Variants in RNF213 observed in about 807,000 individuals in gnomAD.
RNF213 encodes the protein E3 ubiquitin-protein ligase RNF213.
RNF213 carries 341 observed loss-of-function variants against 514.4 expected under a neutral mutation model. The ratio of observed to expected loss-of-function variants is 0.66; its 90% CI spans 0.61 to 0.73. RNF213 has a LOEUF of 0.73. Ranked by LOEUF, RNF213 falls within the 30% of genes least tolerant of loss-of-function variation. RNF213 has a pLI of 0.00. For missense variants in RNF213, 5,767 were observed against 6,615.6 expected, an observed-to-expected ratio of 0.87 and a Z score of 4.45; for synonymous variants, 2,655 against 2,658.2, an observed-to-expected ratio of 1.00 and a Z score of 0.04.
At chr17:80,308,479 TCCTCCTAAGTCC>T (rs1235575275) in intron 13 of RNF213, among the ~76,000 whole-genome samples, 2 of 143,952 alleles carry the variant, frequency 1.4e-5, no homozygotes, top group Non-Finnish European at 3.0e-5. Flanking sequence ...CTCCTAAGCC[TCCTCCTAAGTCC>T]CCTCCTGAGT....
chr17:80,339,180 C>T (rs746549519), intron 25 of RNF213, 21 bp from the exon 26 acceptor site: 128 of 1,459,202 alleles, frequency 8.8e-5, no homozygotes, highest in Non-Finnish European at 1.1e-4. Context: ...GTGAGCCAAC[C>T]TCATGGTTCT....
chr17:80,286,228 C>A (rs1276482675), intron 3 of RNF213, among the ~76,000 whole-genome samples: 2 of 145,188 alleles, frequency 1.4e-5, no homozygotes, highest in Non-Finnish European at 3.0e-5. Flanking sequence ...GGACGCAGGC[C>A]GAGCGGGAGG....
intron 17 of RNF213, chr17:80,321,464 CATT>C (rs1283711718): frequency 2.6e-5 from 4 of 152,170 alleles, no homozygotes; most frequent in Non-Finnish European, 5.9e-5. Flanking sequence ...CTGATACAAA[CATT>C]AGTGTACATA....
chr17:80,341,449 C>T (rs1337234109), intron 26 of RNF213: 7 of 152,250 alleles, frequency 4.6e-5, no homozygotes, highest in Admixed American at 2.6e-4. Flanking sequence ...ATAAACATTA[C>T]TCTTCCCCTC....
chr17:80,313,722 G>A (rs59237306), intron 15 of RNF213, among the ~76,000 whole-genome samples: 3 of 149,206 alleles, frequency 2.0e-5, no homozygotes, highest in Non-Finnish European at 3.0e-5. Flanking sequence ...GGAGGTGGTG[G>A]TGGTGGAGGT....
At chr17:80,266,917 A>G (rs2043628772) in intron 2 of RNF213, among the ~76,000 whole-genome samples, 1 of 152,220 alleles carries the variant, frequency 6.6e-6, no homozygotes, top group Admixed American at 6.5e-5. Flanking sequence ...ATGGTTAGCC[A>G]AGTTGTAAAT....
At chr17:80,323,775 T>C (rs980258498) in intron 17 of RNF213, among the ~76,000 whole-genome samples, 7 of 151,516 alleles carry the variant, frequency 4.6e-5, no homozygotes, top group Non-Finnish European at 1.0e-4. Flanking sequence ...AACAATGTTT[T>C]GTATTTTTCA....
In RNF213 at chr17:80,332,534, T is replaced by A; in HGVS notation, c.4046T>A (p.Leu1349Gln). 1 of 1,536,676 alleles carries A rather than the reference T, an allele frequency of 6.5e-7. No homozygotes were observed. Among genetic ancestry groups the A allele is most frequent in the Non-Finnish European group, 8.7e-7 (1 of 1,146,388 alleles). The change falls in exon 21 of 68, where the codon CTG becomes CAG. Residue 1349 changes from leucine (L) to glutamine (Q), a missense_variant. This residue lies in a region of RNF213 where 516 missense variants were observed against 566.5 expected (regional missense o/e 0.91). Coordinates refer to ENST00000582970, the MANE Select transcript of RNF213 (RefSeq NM_001256071.3). Reference sequence around the variant, plus strand: ...GAACAGATCAAGGAATACCATCACCTGCACCAGGCTGTCCACGCAGCCAAG... The same window carrying A: ...GAACAGATCAAGGAATACCATCACCAGCACCAGGCTGTCCACGCAGCCAAG... The part of the protein sequence containing the change: ...RVEQIKEYHH[L>Q]HQAVHAAKVI...
chr17:80,349,718 T>TG (rs1285843656), intron 29 of RNF213, 52 bp from the exon 30 acceptor site: 1 of 1,605,088 alleles, frequency 6.2e-7, no homozygotes, highest in Non-Finnish European at 8.5e-7. Context: ...GCAGCAGACT[T>TG]GCAACCTTTC....
chr17:80,382,414 G>A (rs1223499483), intron 57 of RNF213: 1 of 158,454 alleles, frequency 6.3e-6, no homozygotes, highest in Non-Finnish European at 1.4e-5. Context: ...ATAGCAAGAA[G>A]AAGTCCTGCC....
rs745927464 is a variant in RNF213, at chr17:80,350,301, A to C, written c.10089A>C (p.Arg3363=). 3 of 1,586,612 alleles carry C rather than the reference A, an allele frequency of 1.9e-6. No homozygotes were observed. In the South Asian group the frequency reaches 3.3e-5, roughly 18 times the overall value. The change falls in exon 31 of 68, where the codon CGA becomes CGC. Residue 3363 remains arginine, a splice_region_variant and synonymous_variant. Coordinates refer to ENST00000582970, the MANE Select transcript of RNF213 (RefSeq NM_001256071.3). ...DTEYSFLKEV[R]NCLTNTAKCK... ...TTGAATAACTTCCCTTTTCTTTCAG[A>C]AACTGTTTAACGAATACAGCCAAAT...
rs755608314 is a variant in RNF213 at position 80,288,772 on chromosome 17, C to A, written c.933+17C>A. 58 of 1,613,876 alleles carry A rather than the reference C, an allele frequency of 3.6e-5. No individual in the cohort carries two copies. The African/African-American group carries it at 6.4e-4, about 18-fold the overall frequency. On this transcript the variant is annotated intron_variant, in intron 5 of 67. Transcript: ENST00000582970. The surrounding 1 kb of genome is among the most constrained non-coding windows in gnomAD (Gnocchi z 4.9). ...CACTGCCAGGTGCGTCTCCTTCCTG[C>A]CTGCCGGCTCCAGGAGGCCCTCTCC...
In RNF213 at chr17:80,366,947, A is replaced by G. The variant is rs576024127; in HGVS notation, c.11872-801A>G. 3.3e-5 allele frequency among the ~76,000 whole-genome samples: 5 copies of G among 152,352 alleles called. No individual in the cohort carries two copies. The East Asian group carries it at 7.7e-4, about 23-fold the overall frequency. ...TGATGATGTGTATTGCCTAAAAACC[A>G]GTGTTTCCACTTCTAACTATATCCT... On this transcript the variant is annotated intron_variant, in intron 42 of 67. Coordinates refer to ENST00000582970, the MANE Select transcript of RNF213 (RefSeq NM_001256071.3).
At chr17:80,352,674 TC>T in intron 32 of RNF213, 2 of 624,996 alleles carry the variant, frequency 3.2e-6, no homozygotes, top group Admixed American at 2.5e-5. Context: ...ACAGGCCTTA[TC>T]CATGCGTCCT....
At chr17:80,298,053 A>G (rs74003721) in intron 10 of RNF213, among the ~76,000 whole-genome samples, 2 of 152,156 alleles carry the variant, frequency 1.3e-5, no homozygotes, top group East Asian at 1.9e-4. Flanking sequence ...TGCGTTGACT[A>G]CTTAGCCAGG....
chr17:80,349,163 T>G (rs1167271755), intron 29 of RNF213, among the ~76,000 whole-genome samples: 1 of 152,128 alleles, frequency 6.6e-6, no homozygotes, highest in Non-Finnish European at 1.5e-5. Flanking sequence ...TGGACATTGC[T>G]TCATCATGAC....
rs115187898 is a variant in RNF213 at position 80,376,106 on chromosome 17, A to C, written c.13186-195A>C. 5.4e-3 allele frequency among the ~76,000 whole-genome samples: 816 copies of C among 152,340 alleles called. 3 individuals carry two copies. Among genetic ancestry groups the C allele is most frequent in the African/African-American group, 0.019 (772 of 41,574 alleles). On this transcript the variant is annotated intron_variant, in intron 51 of 67. Coordinates refer to ENST00000582970, the MANE Select transcript of RNF213 (RefSeq NM_001256071.3). ...AATGTTTAACAGAATAGAATATCAA[A>C]ATTAATGCTTACGTATGTGGATGCT...
At position 80,377,840 on chromosome 17, in the gene RNF213, C is replaced by A. The variant is rs776063953; in HGVS notation, c.13545+44C>A. 32 of 1,609,822 alleles carry A rather than the reference C, an allele frequency of 2.0e-5. No homozygotes were observed. The East Asian group carries it at 2.7e-4, about 13-fold the overall frequency. The stretch of plus-strand genomic sequence containing the variant: ...GATAGGGTTTGAGGGGTGGCGTGCA[C>A]TCCTGGGTTGGAGGAGGGGGATCGT... On this transcript the variant is annotated intron_variant, in intron 54 of 67. Coordinates refer to ENST00000582970, the MANE Select transcript of RNF213 (RefSeq NM_001256071.3). The surrounding 1 kb of genome is among the most constrained non-coding windows in gnomAD (Gnocchi z 4.1).
Position 80,260,912 on chromosome 17 carries a change from G to A in RNF213, c.-109+10G>A, listed in dbSNP as rs1416310142. On this transcript the variant is annotated intron_variant, in intron 1 of 67. Coordinates refer to ENST00000582970, the MANE Select transcript of RNF213 (RefSeq NM_001256071.3). Reference sequence around the variant, plus strand: ...AGCTCGGGGGCCGCAGGTGCGAGCGGGCCTGGAGAGTCTCCCGGGGCGGGG... The same window carrying A: ...AGCTCGGGGGCCGCAGGTGCGAGCGAGCCTGGAGAGTCTCCCGGGGCGGGG... 1.3e-5 allele frequency: 2 copies of A among 151,322 alleles called. No individual in the cohort carries two copies. The highest frequency in any genetic ancestry group is 3.0e-5 in the Non-Finnish European group (2 of 67,564). The allele number at this position is 151,322 out of a possible 1,614,324, so 9.4% of individuals were successfully genotyped here.
Sources: allele counts gnomAD v4.1 joint callset (sites outside exome capture counted in the v4.1 genomes callset), GRCh38; gene constraint gnomAD v4.1.1; regional missense constraint gnomAD v4.1.1; non-coding constraint Gnocchi (gnomAD v3.1); transcripts MANE v1.5; gene names NCBI Gene and HGNC (gene_info 2026-07-23, HGNC 2026-07-21).